The following SCARB1 variants were observed in gnomAD, a reference collection of about 807,000 sequenced individuals.
The protein encoded by SCARB1 is CD36 and LIMPII analogous 1.
In SCARB1, 30 loss-of-function variants were observed where a neutral mutation model predicts 57.2. That is an observed-to-expected ratio of 0.52 (90% CI 0.39 to 0.71). The LOEUF is 0.71. Ranked by LOEUF, SCARB1 falls within the 30% of genes least tolerant of loss-of-function variation. The pLI is 0.00. For synonymous variants in SCARB1, 249 were observed against 268.3 expected (o/e 0.93, Z 0.70); for missense variants, 543 against 671.2 (o/e 0.81, Z 2.11).
In SCARB1 at chr12:124,812,088, GT is replaced by G; in HGVS notation, c.631-124del. The G allele has an allele frequency of 1.3e-6, 1 of 757,786 alleles. No homozygotes were observed. The highest frequency in any genetic ancestry group is 2.3e-6 in the Non-Finnish European group (1 of 429,874). 46.9% of individuals were successfully genotyped at this position (757,786 alleles called of 1,614,324 possible). ...AGAAGGACAGGGCCCCCAGCATCTGGTTCACTGCCAAATGCCCAGTGTCTGG... is the reference window on the plus strand; with the variant it reads ...AGAAGGACAGGGCCCCCAGCATCTGGTCACTGCCAAATGCCCAGTGTCTGG... On this transcript the variant is annotated intron_variant, in intron 4 of 12. Coordinates refer to ENST00000261693, the MANE Select transcript of SCARB1 (RefSeq NM_005505.5). The surrounding 1 kb of genome is among the most constrained non-coding windows in gnomAD (Gnocchi z 4.3).
intron 1 of SCARB1, among the ~76,000 whole-genome samples, chr12:124,841,657 C>T (rs1277268741): frequency 6.6e-6 from 1 of 152,052 alleles, no homozygotes; most frequent in African/African-American, 2.4e-5. Flanking sequence ...CTCCCTCTTC[C>T]TCCAACACAG....
intron 10 of SCARB1, 102 bp from the exon 11 acceptor site, chr12:124,786,605 C>T: frequency 6.4e-7 from 1 of 1,556,038 alleles, no homozygotes; most frequent in South Asian, 1.2e-5. Context: ...TCAGCTTTTC[C>T]CCACCTCAAG....
chr12:124,848,737 C>T (rs1031045806), intron 1 of SCARB1, among the ~76,000 whole-genome samples: 23 of 152,234 alleles, frequency 1.5e-4, no homozygotes, highest in African/African-American at 3.6e-4. Flanking sequence ...GTGGTACATC[C>T]GCACCGTGGA....
intron 10 of SCARB1, among the ~76,000 whole-genome samples, chr12:124,787,163 G>A (rs1949555248): frequency 6.6e-6 from 1 of 152,174 alleles, no homozygotes. Context: ...CAGGGCCAGG[G>A]ACTTTACCTC....
chr12:124,816,454 T>C (rs1368438890), intron 2 of SCARB1, among the ~76,000 whole-genome samples: 5 of 152,220 alleles, frequency 3.3e-5, no homozygotes, highest in Non-Finnish European at 5.9e-5. Flanking sequence ...AAACATTTGT[T>C]AAATGAACGA....
rs1440497716 is a variant in SCARB1 at position 124,822,449 on chromosome 12, A to G, written c.127-4742T>C. Among the ~76,000 whole-genome samples the G allele has an allele frequency of 6.6e-6, 1 of 152,206 alleles. No homozygotes were observed. Among genetic ancestry groups the G allele is most frequent in the Admixed American group, 6.5e-5 (1 of 15,284 alleles). The stretch of plus-strand genomic sequence containing the variant: ...TACTACACAACACCATTTCCGCGAC[A>G]TCGGGGAAAGGGAATACTCTAGAGA... On this transcript the variant is annotated intron_variant, in intron 1 of 12. Transcript: ENST00000261693. This position sits in a 1 kb window ranked among gnomAD's most constrained non-coding sequence, Gnocchi z 5.0.
intron 7 of SCARB1, among the ~76,000 whole-genome samples, chr12:124,804,459 G>T (rs576805597): frequency 1.3e-5 from 2 of 152,274 alleles, no homozygotes; most frequent in African/African-American, 2.4e-5. Context: ...TTTTCATTAC[G>T]CAAACCAAGA....
rs560791625 is a variant in SCARB1 at position 124,792,395 on chromosome 12, C to T, written c.1202+2800G>A. Among the ~76,000 whole-genome samples, 28 of 152,172 alleles carry T rather than the reference C, an allele frequency of 1.8e-4. 1 individual carries two copies. Among genetic ancestry groups the T allele is most frequent in the African/African-American group, 5.1e-4 (21 of 41,458 alleles). On this transcript the variant is annotated intron_variant, in intron 9 of 12. Transcript: ENST00000261693. Reference sequence around the variant, plus strand: ...GAGGTTGGGTGACCGGTCCACAGGTCACTGGCAGGCACAATCCAGCTGCCC... The same window carrying T: ...GAGGTTGGGTGACCGGTCCACAGGTTACTGGCAGGCACAATCCAGCTGCCC...
At chr12:124,801,477 A>C (rs1408998134) in intron 7 of SCARB1, among the ~76,000 whole-genome samples, 1 of 152,154 alleles carries the variant, frequency 6.6e-6, no homozygotes, top group Non-Finnish European at 1.5e-5. Context: ...AACAAAACAA[A>C]ACAAAACAAA....
chr12:124,841,355 C>T (rs1439566650), intron 1 of SCARB1, among the ~76,000 whole-genome samples: 1 of 138,856 alleles, frequency 7.2e-6, no homozygotes, highest in East Asian at 2.1e-4. Flanking sequence ...GCCTGGGCAA[C>T]AGAGCAAGAC....
chr12:124,815,476 C>T (rs1478954324), intron 2 of SCARB1, among the ~76,000 whole-genome samples: 1 of 152,222 alleles, frequency 6.6e-6, no homozygotes, highest in Non-Finnish European at 1.5e-5. Flanking sequence ...AGAGAAAGCA[C>T]GAGGTAAACA....
At chr12:124,811,417 C>T (rs776834113) in intron 5 of SCARB1, among the ~76,000 whole-genome samples, 10 of 152,052 alleles carry the variant, frequency 6.6e-5, no homozygotes, top group Non-Finnish European at 1.3e-4. Context: ...GGATTACAGG[C>T]ATGCAACACC....
chr12:124,802,692 G>A (rs900768382), intron 7 of SCARB1, among the ~76,000 whole-genome samples: 1 of 152,168 alleles, frequency 6.6e-6, no homozygotes, highest in East Asian at 1.9e-4. Flanking sequence ...AGCTGTAAGT[G>A]GTAATTAATT....
chr12:124,791,776 T>G (rs1949738394), intron 9 of SCARB1, among the ~76,000 whole-genome samples: 1 of 151,890 alleles, frequency 6.6e-6, no homozygotes, highest in African/African-American at 2.4e-5. Context: ...GCCAACACAG[T>G]GAAACCCCGT....
Position 124,863,794 on chromosome 12 carries a change from C to A in SCARB1, c.-74G>T. On this transcript the variant is annotated 5_prime_UTR_variant, in exon 1 of 13. Coordinates refer to ENST00000261693, the MANE Select transcript of SCARB1 (RefSeq NM_005505.5). ...CAGGAGACGGGGACGGCGACAGAGA[C>A]GACACAGGCGGGGACTCCGGGCACG... 5.1e-6 allele frequency: 7 copies of A among 1,380,570 alleles called. No individual in the cohort carries two copies. Among genetic ancestry groups the A allele is most frequent in the Non-Finnish European group, 6.5e-6 (7 of 1,071,942 alleles). 85.5% of individuals were successfully genotyped at this position (1,380,570 alleles called of 1,614,324 possible).
chr12:124,803,087 C>T (rs1164309922), intron 7 of SCARB1, among the ~76,000 whole-genome samples: 1 of 152,190 alleles, frequency 6.6e-6, no homozygotes, highest in East Asian at 1.9e-4. Context: ...CACCAGGGTG[C>T]TAAGGGGTGC....
chr12:124,787,957 C>G (rs558471505), intron 9 of SCARB1, among the ~76,000 whole-genome samples: 1 of 152,132 alleles, frequency 6.6e-6, no homozygotes, highest in East Asian at 1.9e-4. Flanking sequence ...TTATAATTAC[C>G]CTATTCTTAG....
intron 1 of SCARB1, among the ~76,000 whole-genome samples, chr12:124,833,380 G>A (rs1594336778): frequency 1.3e-5 from 2 of 151,968 alleles, no homozygotes; most frequent in South Asian, 2.1e-4. Context: ...TATAGAGATG[G>A]GGTCTCACTA....
At chr12:124,781,147 G>C (rs1873389857) in intron 12 of SCARB1, among the ~76,000 whole-genome samples, 1 of 152,218 alleles carries the variant, frequency 6.6e-6, no homozygotes, top group South Asian at 2.1e-4. Context: ...GGGCGCCCCA[G>C]AGCTTGACTG....
Sources: allele counts gnomAD v4.1 joint callset (sites outside exome capture counted in the v4.1 genomes callset), GRCh38; gene constraint gnomAD v4.1.1; non-coding constraint Gnocchi (gnomAD v3.1); transcripts MANE v1.5; gene names NCBI Gene and HGNC (gene_info 2026-07-23, HGNC 2026-07-21).